The following GNAO1 variants were observed in gnomAD, a reference collection of about 807,000 sequenced individuals.
GNAO1 encodes G protein subunit alpha o1.
For synonymous variants in GNAO1, 164 were observed against 180.7 expected (o/e 0.91, Z 0.74); for missense variants, 166 against 478.7 (o/e 0.35, Z 6.10).
At chr16:56,303,080 G>A (rs780998842) in intron 3 of GNAO1, among the ~76,000 whole-genome samples, 4 of 152,144 alleles carry the variant, frequency 2.6e-5, no homozygotes, top group Admixed American at 1.3e-4. Flanking sequence ...GGACCTCCAC[G>A]CGCAGCCGAA....
At chr16:56,292,760 T>C (rs2037244893) in intron 3 of GNAO1, among the ~76,000 whole-genome samples, 1 of 152,236 alleles carries the variant, frequency 6.6e-6, no homozygotes, top group African/African-American at 2.4e-5. Flanking sequence ...GTTTGATAAT[T>C]GCCTACTCTG....
chr16:56,328,666 G>C lies in GNAO1; in HGVS notation c.339G>C (p.Arg113=). 6.2e-7 allele frequency: 1 copy of C among 1,614,230 alleles called. No homozygotes were observed. Among genetic ancestry groups the C allele is most frequent in the African/African-American group, 1.3e-5 (1 of 75,076 alleles). ...AGATGGTGTGTGATGTGGTGAGTCG[G>C]ATGGAAGACACCGAGCCCTTCTCTG... ...DAKMVCDVVS[R]MEDTEPFSAE... is the part of the protein sequence containing the mutation. The change falls in exon 4 of 9, where the codon CGG becomes CGC. Residue 113 remains arginine, a synonymous_variant. Coordinates refer to ENST00000262493, the MANE Select transcript of GNAO1 (RefSeq NM_020988.3).
In GNAO1 at chr16:56,200,091, T is replaced by A. The variant is rs570391448; in HGVS notation, c.161+7475T>A. On this transcript the variant is annotated intron_variant, in intron 2 of 8. Transcript: ENST00000262493. Reference sequence around the variant, plus strand: ...GTTTTCTGTAGAATATTGTTACTTATGAGAATAGCTTCTCCATGCTTTAAA... The same window carrying A: ...GTTTTCTGTAGAATATTGTTACTTAAGAGAATAGCTTCTCCATGCTTTAAA... Among the ~76,000 whole-genome samples the A allele has an allele frequency of 1.2e-4, 19 of 152,358 alleles. 1 individual carries two copies. In the South Asian group the frequency reaches 3.9e-3, roughly 32 times the overall value.
intron 3 of GNAO1, among the ~76,000 whole-genome samples, chr16:56,300,036 T>TGTGTGTGTGCGC (rs753591618): frequency 1.8e-4 from 17 of 95,110 alleles, no homozygotes; most frequent in African/African-American, 8.1e-4. Flanking sequence ...TGTGTGTGTG[T>TGTGTGTGTGCGC]GCGCGCGCGC....
At chr16:56,342,211 G>C (rs4783936) in intron 6 of GNAO1, among the ~76,000 whole-genome samples, 54,119 of 152,142 alleles carry the variant, frequency 0.36, 10,001 homozygotes, top group African/African-American at 0.45. Flanking sequence ...CAAGGCCAGT[G>C]TGGGCCTGGA....
At position 56,283,663 on chromosome 16, in the gene GNAO1, T is replaced by G. The variant is rs75654332; in HGVS notation, c.303+7591T>G. Among the ~76,000 whole-genome samples, 671 of 152,252 alleles carry G rather than the reference T, an allele frequency of 4.4e-3. 18 individuals carry two copies. Among genetic ancestry groups the G allele is most frequent in the East Asian group, 0.032 (163 of 5,168 alleles). On this transcript the variant is annotated intron_variant, in intron 3 of 8. Transcript: ENST00000262493. ...TGTGTCTCCCTGAGTCCCCTGGGGC[T>G]TAGAGATACTTTAGTGGTAGTTGTT... is the stretch of plus-strand genomic sequence containing the variant.
chr16:56,235,511 C>G (rs1363907452), intron 2 of GNAO1: 1 of 436,900 alleles, frequency 2.3e-6, no homozygotes, highest in Non-Finnish European at 4.6e-6. Flanking sequence ...GGTCAGTTCT[C>G]CTCGACATCC....
intron 2 of GNAO1, among the ~76,000 whole-genome samples, chr16:56,203,532 A>G (rs1476890908): frequency 4.6e-5 from 7 of 152,062 alleles, no homozygotes; most frequent in African/African-American, 1.7e-4. Context: ...CATGGGAGAG[A>G]CTGAGGCTTT....
chr16:56,292,139 A>G (rs958573101), intron 3 of GNAO1, among the ~76,000 whole-genome samples: 8 of 152,148 alleles, frequency 5.3e-5, no homozygotes, highest in Non-Finnish European at 1.0e-4. Flanking sequence ...CTAGCAGACA[A>G]TCTGAACTGC....
chr16:56,354,300 G>A lies in GNAO1; in HGVS notation c.878-566G>A, dbSNP rs1000479149. Among the ~76,000 whole-genome samples the A allele has an allele frequency of 2.6e-5, 4 of 152,264 alleles. No homozygotes were observed. The highest frequency in any genetic ancestry group is 9.6e-5 in the African/African-American group (4 of 41,468). On this transcript the variant is annotated intron_variant, in intron 7 of 8. Coordinates refer to ENST00000262493, the MANE Select transcript of GNAO1 (RefSeq NM_020988.3). The surrounding 1 kb of genome is among the most constrained non-coding windows in gnomAD (Gnocchi z 4.3). ...TGGTGTGAAAACAGTAAGAGATCTT[G>A]CAAAGTCCAAAGCCAGGCAAATGCT...
chr16:56,287,666 C>T (rs536171829), intron 3 of GNAO1, among the ~76,000 whole-genome samples: 1 of 152,186 alleles, frequency 6.6e-6, no homozygotes, highest in East Asian at 1.9e-4. Flanking sequence ...GTCAAGGCCT[C>T]TTAGCTATTA....
At chr16:56,217,408 C>T (rs1249886150) in intron 2 of GNAO1, among the ~76,000 whole-genome samples, 4 of 152,182 alleles carry the variant, frequency 2.6e-5, no homozygotes, top group South Asian at 2.1e-4. Context: ...GCTGGTTATA[C>T]GGGCTGAGGC....
chr16:56,303,361 T>G (rs1426057578), intron 3 of GNAO1, among the ~76,000 whole-genome samples: 1 of 152,202 alleles, frequency 6.6e-6, no homozygotes, highest in Non-Finnish European at 1.5e-5. Flanking sequence ...GAGCCCCATG[T>G]GGAGGCTGGC....
chr16:56,305,187 A>G (rs373048243), intron 3 of GNAO1, among the ~76,000 whole-genome samples: 3 of 152,194 alleles, frequency 2.0e-5, no homozygotes, highest in Non-Finnish European at 2.9e-5. Flanking sequence ...GCCCATCTCA[A>G]CGTATAGCCT....
chr16:56,261,299 T>C (rs1418901632), intron 2 of GNAO1, among the ~76,000 whole-genome samples: 1 of 152,182 alleles, frequency 6.6e-6, no homozygotes, highest in Non-Finnish European at 1.5e-5. Flanking sequence ...TTTGTCTGTT[T>C]CAGAACACTC....
In GNAO1 at chr16:56,196,450, A is replaced by G. The variant is rs2036234100; in HGVS notation, c.161+3834A>G. Among the ~76,000 whole-genome samples the G allele has an allele frequency of 1.3e-5, 2 of 152,238 alleles. 1 individual carries two copies. The highest frequency in any genetic ancestry group is 4.1e-4 in the South Asian group (2 of 4,832). The stretch of plus-strand genomic sequence containing the variant: ...AATTTTATTTAATTGCCAAACCCTT[A>G]CAAAGAAATCCCATAACAAGTTGTA... On this transcript the variant is annotated intron_variant, in intron 2 of 8. Coordinates refer to ENST00000262493, the MANE Select transcript of GNAO1 (RefSeq NM_020988.3).
At chr16:56,245,687 AG>A (rs2036737197) in intron 2 of GNAO1, 1 of 154,308 alleles carries the variant, frequency 6.5e-6, no homozygotes, top group Non-Finnish European at 1.5e-5. Flanking sequence ...AAGAAGCCCA[AG>A]GGAAGTTTTC....
chr16:56,344,730 C>A, intron 6 of GNAO1: 1 of 985,532 alleles, frequency 1.0e-6, no homozygotes, highest in Non-Finnish European at 1.2e-6. Flanking sequence ...CCAGTCCTCG[C>A]AGGCCAAAGG....
intron 2 of GNAO1, 130 bp from the exon 3 acceptor site, chr16:56,275,801 G>A (rs1402598097): frequency 3.3e-6 from 2 of 602,782 alleles, no homozygotes; most frequent in Non-Finnish European, 5.2e-6. Flanking sequence ...TGACATTAAT[G>A]TAGCAACTCA....
Sources: gnomAD v4.1 joint callset for allele counts (sites outside exome capture counted in the v4.1 genomes callset) on GRCh38, gnomAD v4.1.1 for gene constraint, Gnocchi (gnomAD v3.1) non-coding constraint, MANE v1.5 for transcripts, NCBI Gene and HGNC (gene_info 2026-07-23, HGNC 2026-07-21) for gene names.